The following RMI1 variants were observed in gnomAD, a reference collection of about 807,000 sequenced individuals.
The protein encoded by RMI1 is recQ-mediated genome instability protein 1.
RMI1 carries 36 observed loss-of-function variants against 46.7 expected under a neutral mutation model. The ratio of observed to expected loss-of-function variants is 0.77; its 90% CI spans 0.59 to 1.02. The LOEUF (loss-of-function observed/expected upper bound fraction) is 1.02. RMI1 is among the 50% of genes least tolerant of loss of function. The pLI, the probability that RMI1 is intolerant of heterozygous loss-of-function variation, is 0.00. For synonymous variants in RMI1, 250 were observed against 252.9 expected, an observed-to-expected ratio of 0.99 and a Z score of 0.11; for missense variants, 676 against 713.7, an observed-to-expected ratio of 0.95 and a Z score of 0.60.
intron 1 of RMI1, among the ~76,000 whole-genome samples, chr9:83,997,900 G>C (rs1957682208): frequency 1.3e-5 from 2 of 151,394 alleles, no homozygotes; most frequent in African/African-American, 4.9e-5. Flanking sequence ...GGCTCAAGCA[G>C]TCCTCCCACC....
intron 1 of RMI1, among the ~76,000 whole-genome samples, chr9:83,991,169 A>G (rs1163435489): frequency 6.6e-6 from 1 of 152,134 alleles, no homozygotes; most frequent in East Asian, 1.9e-4. Flanking sequence ...TCTCTTGTCA[A>G]TTAGATGTTT....
At chr9:83,980,635 G>C (rs1486635860), upstream of RMI1, 2 of 153,290 alleles carry the variant, frequency 1.3e-5, no homozygotes, top group African/African-American at 4.8e-5. Flanking sequence ...CTCACTAGCT[G>C]GGGGGAGGGG....
At chr9:83,986,855 T>G (rs1379297577) in intron 1 of RMI1, among the ~76,000 whole-genome samples, 1 of 152,252 alleles carries the variant, frequency 6.6e-6, no homozygotes, top group Non-Finnish European at 1.5e-5. Context: ...TCATTTCTTT[T>G]GAAGTTTCAA....
chr9:84,002,861 A>G lies in RMI1; in HGVS notation c.1875A>G (p.Lys625=), dbSNP rs1454453598. 6.8e-7 allele frequency: 1 copy of G among 1,480,406 alleles called. No homozygotes were observed. Among genetic ancestry groups the G allele is most frequent in the Non-Finnish European group, 9.2e-7 (1 of 1,086,940 alleles). The allele number at this position is 1,480,406 out of a possible 1,614,324, so 91.7% of individuals were successfully genotyped here. Residue 625 remains lysine, a synonymous_variant, in exon 3 of 3, where the codon AAA becomes AAG. Coordinates refer to ENST00000445877, the MANE Select transcript of RMI1 (RefSeq NM_001358291.2). ...AGAATCTAAAGAAGCGGTTAAATAAATAATTAAACTAAAATAGTATTAGGA... is the reference window on the plus strand; with the variant it reads ...AGAATCTAAAGAAGCGGTTAAATAAGTAATTAAACTAAAATAGTATTAGGA... The part of the protein sequence containing the change: ...HLENLKKRLN[K]
rs2118168 is a variant in RMI1 at position 84,003,318 on chromosome 9, C to A, written c.*454C>A. 0.99 allele frequency: 165,104 copies of A among 167,360 alleles called. 81,449 individuals are homozygous for A. The highest frequency in any genetic ancestry group is 1 in the East Asian group (5,198 of 5,198). The allele number at this position is 167,360 out of a possible 1,614,324, so 10.4% of individuals were successfully genotyped here. On this transcript the variant is annotated 3_prime_UTR_variant, in exon 3 of 3. Transcript: ENST00000445877. ...CTGCCGTCATGGCCTCCAAAGTTTA[C>A]TTTTTTTAAAAGTAACTGTTAGATG...
intron 1 of RMI1, among the ~76,000 whole-genome samples, chr9:83,996,236 C>A (rs1957651346): frequency 1.3e-5 from 2 of 152,200 alleles, no homozygotes; most frequent in African/African-American, 4.8e-5. Flanking sequence ...AGTTCTGGAC[C>A]ACACTACGTG....
Position 84,002,438 on chromosome 9 carries a change from G to A in RMI1, c.1452G>A (p.Met484Ile). Reference sequence around the variant, plus strand: ...ATAGCATTAATCTTTCTATTGCCATGGATTTGTATTCTCCACCCTTTGTCT... The same window carrying A: ...ATAGCATTAATCTTTCTATTGCCATAGATTTGTATTCTCCACCCTTTGTCT... ...SENSINLSIA[M>I]DLYSPPFVYL... Residue 484 changes from methionine to isoleucine, a missense_variant, in exon 3 of 3, where the codon ATG (methionine) becomes ATA (isoleucine). Met to Ile is a conservative substitution (Grantham distance 10). Coordinates refer to ENST00000445877, the MANE Select transcript of RMI1 (RefSeq NM_001358291.2). 1 of 1,613,800 alleles carries A rather than the reference G, an allele frequency of 6.2e-7. No homozygotes were observed. Among genetic ancestry groups the A allele is most frequent in the Non-Finnish European group, 8.5e-7 (1 of 1,179,912 alleles).
At position 83,997,120 on chromosome 9, in the gene RMI1, T is replaced by TC. The variant is rs1452861839; in HGVS notation, c.-125-2589_-125-2588insC. ...CCAACACCCCCCCCTTTTTTTTTTT[T>TC]TTTTTTTTGAGATAGGGTTTCGCTC... On this transcript the variant is annotated intron_variant, in intron 1 of 2. Transcript: ENST00000445877. 2.7e-5 allele frequency among the ~76,000 whole-genome samples: 4 copies of TC among 145,584 alleles called. No homozygotes were observed. The East Asian group carries it at 8.1e-4, about 30-fold the overall frequency.
intron 2 of RMI1, among the ~76,000 whole-genome samples, chr9:84,000,475 A>T (rs74456047): frequency 6.6e-6 from 1 of 152,164 alleles, no homozygotes; most frequent in African/African-American, 2.4e-5. Context: ...TTAAAAAAAT[A>T]ATATATATTA....
At chr9:83,999,025 C>T (rs57364890) in intron 1 of RMI1, among the ~76,000 whole-genome samples, 5,090 of 152,102 alleles carry the variant, frequency 0.033, 262 homozygotes, top group African/African-American at 0.11. Context: ...CCTGTAGTCC[C>T]AGCTACTGGG....
At chr9:83,980,436 CAGCCTTTCAGGG>C (rs879692496), upstream of RMI1, 3 of 152,868 alleles carry the variant, frequency 2.0e-5, no homozygotes, top group Admixed American at 2.0e-4. Context: ...AAAGTAAACG[CAGCCTTTCAGGG>C]AGCCCCAACC....
intron 1 of RMI1, among the ~76,000 whole-genome samples, chr9:83,997,859 C>T (rs912127052): frequency 8.6e-5 from 13 of 151,216 alleles, no homozygotes; most frequent in African/African-American, 3.2e-4. Flanking sequence ...TACAGTGGTG[C>T]AGTCATAGCT....
intron 1 of RMI1, among the ~76,000 whole-genome samples, chr9:83,992,274 C>T (rs1037093141): frequency 6.6e-6 from 1 of 152,098 alleles, no homozygotes; most frequent in Non-Finnish European, 1.5e-5. Flanking sequence ...TTAAAGACAC[C>T]TCATTTAATA....
rs537904662 is a variant in RMI1, at chr9:83,988,883, G to C, written c.-126+7992G>C. ...TCTGTTTGTTTTTTTGTTGAGACAG[G>C]GTCTTGCTCTGTTACCCAGGCTGAA... On this transcript the variant is annotated intron_variant, in intron 1 of 2. Coordinates refer to ENST00000445877, the MANE Select transcript of RMI1 (RefSeq NM_001358291.2). 6.6e-5 allele frequency among the ~76,000 whole-genome samples: 10 copies of C among 151,880 alleles called. No individual in the cohort carries two copies. The South Asian group carries it at 2.1e-3, about 32-fold the overall frequency.
intron 1 of RMI1, among the ~76,000 whole-genome samples, chr9:83,996,989 C>T (rs1236741887): frequency 6.8e-6 from 1 of 147,366 alleles, no homozygotes; most frequent in African/African-American, 2.5e-5. Context: ...CAACATAGGA[C>T]ATGGGGCGGG....
intron 1 of RMI1, among the ~76,000 whole-genome samples, chr9:83,982,757 C>T (rs1957438078): frequency 6.6e-6 from 1 of 151,854 alleles, no homozygotes; most frequent in South Asian, 2.1e-4. Context: ...TATTCATCCC[C>T]TCTAGATGCC....
chr9:84,001,004 T>C lies in RMI1; in HGVS notation c.18T>C (p.Ile6=). 1 of 1,607,528 alleles carries C rather than the reference T, an allele frequency of 6.2e-7. No individual in the cohort carries two copies. The highest frequency in any genetic ancestry group is 8.5e-7 in the Non-Finnish European group (1 of 1,177,346). Residue 6 remains isoleucine (I), a synonymous_variant, in exon 3 of 3, where the codon ATT becomes ATC. Transcript: ENST00000445877. Reference sequence around the variant, plus strand: ...TAAAAGAAATGAATGTGACTAGTATTGCATTAAGAGCTGAAACTTGGCTTT... The same window carrying C: ...TAAAAGAAATGAATGTGACTAGTATCGCATTAAGAGCTGAAACTTGGCTTT... MNVTS[I]ALRAETWLLA... is the part of the protein sequence containing the mutation.
chr9:83,993,944 TA>T, intron 1 of RMI1, among the ~76,000 whole-genome samples: 1 of 118,738 alleles, frequency 8.4e-6, no homozygotes, highest in Non-Finnish European at 1.7e-5. Context: ...CATGCCCGGC[TA>T]ATTTTTTTTT....
chr9:83,988,269 A>G (rs796000), intron 1 of RMI1, among the ~76,000 whole-genome samples: 85,922 of 152,022 alleles, frequency 0.57, 25,139 homozygotes, highest in African/African-American at 0.71. Context: ...TATGGTAAGT[A>G]TATGTTTTGA....
Sources: allele counts gnomAD v4.1 joint callset (sites outside exome capture counted in the v4.1 genomes callset), GRCh38; gene constraint gnomAD v4.1.1; transcripts MANE v1.5; gene names NCBI Gene and HGNC (gene_info 2026-07-23, HGNC 2026-07-21).